The following APLP2 variants were observed in gnomAD, a reference collection of about 807,000 sequenced individuals.
The protein encoded by APLP2 is amyloid beta precursor like protein 2.
A neutral mutation model predicts 89.9 loss-of-function variants in APLP2; 53 were observed. The observed-to-expected ratio is 0.59, with a 90% CI of 0.47 to 0.74. APLP2 has a LOEUF of 0.74. Among genes scored for constraint, APLP2 ranks in the 30% least tolerant of loss-of-function variants. The pLI, the probability that APLP2 is intolerant of heterozygous loss-of-function variation, is 0.00. For synonymous variants in APLP2, 372 were observed against 348.6 expected (o/e 1.07, Z -0.75); for missense variants, 973 against 975.9 (o/e 1.00, Z 0.04).
chr11:130,110,125 C>T (rs573501231), intron 2 of APLP2, among the ~76,000 whole-genome samples: 93 of 152,338 alleles, frequency 6.1e-4, no homozygotes, highest in African/African-American at 2.1e-3. Context: ...CATCAGCCAC[C>T]ACTTCTTACC....
intron 1 of APLP2, among the ~76,000 whole-genome samples, chr11:130,083,021 C>CTTTTTTTTTTTTTTT (rs1469566240): frequency 5.0e-5 from 4 of 79,980 alleles, no homozygotes; most frequent in Non-Finnish European, 7.7e-5. Context: ...TGAAACTTTT[C>CTTTTTTTTTTTTTTT]TTTTCTTTTT....
intron 7 of APLP2, among the ~76,000 whole-genome samples, chr11:130,126,133 C>T (rs1253829621): frequency 2.0e-5 from 3 of 152,216 alleles, no homozygotes; most frequent in Non-Finnish European, 4.4e-5. Flanking sequence ...ATACTGAAAA[C>T]TCAAAATTAT....
At chr11:130,124,280 A>C (rs73585139) in intron 7 of APLP2, among the ~76,000 whole-genome samples, 8,844 of 152,148 alleles carry the variant, frequency 0.058, 843 homozygotes, top group African/African-American at 0.2. Context: ...AGAATATTGA[A>C]ATATCTTGCA....
chr11:130,134,019 G>C (rs1205123172), intron 12 of APLP2, among the ~76,000 whole-genome samples: 1 of 152,326 alleles, frequency 6.6e-6, no homozygotes, highest in Non-Finnish European at 1.5e-5. Context: ...CGAGTTTCCT[G>C]TTCCCGTTTT....
chr11:130,092,706 A>AGAGAGAGGGAGAGGGCGAGG (rs1304737799), intron 1 of APLP2, among the ~76,000 whole-genome samples: 2 of 30,632 alleles, frequency 6.5e-5, no homozygotes, highest in African/African-American at 9.8e-5. Flanking sequence ...CCGTGGGGGG[A>AGAGAGAGGGAGAGGGCGAGG]GGGAGGGGGA....
chr11:130,072,035 T>G (rs1486824076), intron 1 of APLP2, among the ~76,000 whole-genome samples: 1 of 152,262 alleles, frequency 6.6e-6, no homozygotes, highest in Non-Finnish European at 1.5e-5. Context: ...GCCAAATCCC[T>G]GATCAAGTTG....
intron 11 of APLP2, among the ~76,000 whole-genome samples, chr11:130,132,574 A>T (rs148653966): frequency 6.6e-6 from 1 of 151,386 alleles, no homozygotes; most frequent in East Asian, 1.9e-4. Context: ...ATCCTGGAAA[A>T]CTGTAAAAAT....
At chr11:130,091,288 CCCGGACGGGGCGGCTGG>C (rs1945089571) in intron 1 of APLP2, among the ~76,000 whole-genome samples, 1 of 142,432 alleles carries the variant, frequency 7.0e-6, no homozygotes, top group Non-Finnish European at 1.5e-5. Flanking sequence ...CCACCTCCCT[CCCGGACGGGGCGGCTGG>C]CCGGGCGGGG....
intron 1 of APLP2, 146 bp downstream of exon 1, chr11:130,070,228 C>T: frequency 2.7e-6 from 1 of 366,172 alleles, no homozygotes; most frequent in Non-Finnish European, 4.3e-6. Flanking sequence ...CGCGCCCTCC[C>T]CCGCCCGTCC....
At chr11:130,083,310 C>T (rs1943556894) in intron 1 of APLP2, among the ~76,000 whole-genome samples, 1 of 152,000 alleles carries the variant, frequency 6.6e-6, no homozygotes, top group Non-Finnish European at 1.5e-5. Context: ...GCTGTGATTG[C>T]AGGTGTGGGC....
intron 3 of APLP2, among the ~76,000 whole-genome samples, chr11:130,111,922 C>T (rs1948631364): frequency 1.3e-5 from 2 of 152,276 alleles, no homozygotes; most frequent in South Asian, 2.1e-4. Context: ...CTGCATTGCT[C>T]CCCCTAAAGA....
In APLP2 at chr11:130,141,320, T is replaced by C. The variant is rs1176817239; in HGVS notation, c.1924-178T>C. 5.6e-5 allele frequency: 34 copies of C among 603,476 alleles called. No homozygotes were observed. Among genetic ancestry groups the C allele is most frequent in the Non-Finnish European group, 9.5e-5 (32 of 336,586 alleles). 37.4% of individuals were successfully genotyped at this position (603,476 alleles called of 1,614,324 possible). On this transcript the variant is annotated intron_variant, in intron 14 of 16. Transcript: ENST00000338167. This position sits in a 1 kb window ranked among gnomAD's most constrained non-coding sequence, Gnocchi z 4.2. ...TAGTCTTCCCTCCATACCTGCCCCT[T>C]CATTAGGGGTTTGGGGAGTGGATTT...
At chr11:130,090,755 G>T (rs1276015586) in intron 1 of APLP2, among the ~76,000 whole-genome samples, 1 of 152,244 alleles carries the variant, frequency 6.6e-6, no homozygotes, top group Non-Finnish European at 1.5e-5. Context: ...TGTCATCCTG[G>T]CCCGCTCTCA....
intron 11 of APLP2, 115 bp downstream of exon 11, chr11:130,130,281 A>G: frequency 7.1e-7 from 1 of 1,401,106 alleles, no homozygotes. Flanking sequence ...GTCCTTAGAA[A>G]ATGAGTTTTG....
intron 3 of APLP2, among the ~76,000 whole-genome samples, chr11:130,119,321 T>A (rs1471075932): frequency 6.6e-6 from 1 of 152,234 alleles, no homozygotes; most frequent in Non-Finnish European, 1.5e-5. Flanking sequence ...GGCAGACGTA[T>A]GCCCAGTGTA....
chr11:130,071,413 G>C (rs187675706), intron 1 of APLP2, among the ~76,000 whole-genome samples: 118 of 152,358 alleles, frequency 7.7e-4, no homozygotes, highest in Non-Finnish European at 1.0e-3. Context: ...GAGGATTTTG[G>C]ATTGCGATTG....
intron 6 of APLP2, among the ~76,000 whole-genome samples, chr11:130,122,731 A>C (rs1341027927): frequency 6.6e-6 from 1 of 152,224 alleles, no homozygotes; most frequent in African/African-American, 2.4e-5. Context: ...ATTGAATTAG[A>C]GAACGGGGAC....
intron 1 of APLP2, among the ~76,000 whole-genome samples, chr11:130,091,265 GGGGCT>G (rs1945075309): frequency 7.3e-6 from 1 of 137,740 alleles, no homozygotes; most frequent in African/African-American, 2.9e-5. Flanking sequence ...GGCCGGGCGG[GGGGCT>G]GACCCCCCCA....
rs187327826 is a variant in APLP2 at position 130,115,019 on chromosome 11, C to T, written c.403+4358C>T. 2.7e-4 allele frequency among the ~76,000 whole-genome samples: 41 copies of T among 152,130 alleles called. 1 individual carries two copies. The East Asian group carries it at 7.4e-3, about 27-fold the overall frequency. The stretch of plus-strand genomic sequence containing the variant: ...ACCCCTGTGCAAGGTGAATGTTCCA[C>T]TCTCGAGAGGTAGCGTGGATCCTTC... On this transcript the variant is annotated intron_variant, in intron 3 of 16. Transcript: ENST00000338167.
Sources: allele counts gnomAD v4.1 joint callset (sites outside exome capture counted in the v4.1 genomes callset), GRCh38; gene constraint gnomAD v4.1.1; non-coding constraint Gnocchi (gnomAD v3.1); transcripts MANE v1.5; gene names NCBI Gene and HGNC (gene_info 2026-07-23, HGNC 2026-07-21).